SCAI: variants seen among roughly 807,000 people sequenced by gnomAD.
The protein encoded by SCAI is protein SCAI.
In SCAI, 24 loss-of-function variants were observed where a neutral mutation model predicts 92.2. The ratio of observed to expected loss-of-function variants is 0.26; its 90% confidence interval spans 0.19 to 0.37. SCAI has a LOEUF of 0.37. Among genes scored for constraint, SCAI ranks in the 10% least tolerant of loss-of-function variants. SCAI has a pLI of 1.00. For synonymous variants in SCAI, 261 were observed against 258.6 expected, an observed-to-expected ratio of 1.01 and a Z score of -0.09; for missense variants, 450 against 736.2, an observed-to-expected ratio of 0.61 and a Z score of 4.50.
chr9:125,140,690 C>CAAAAAA (rs35807255), intron 2 of SCAI, among the ~76,000 whole-genome samples: 11 of 76,430 alleles, frequency 1.4e-4, no homozygotes, highest in Non-Finnish European at 2.5e-4. Context: ...CTTGTCTCTA[C>CAAAAAA]AAAAAAAAAA....
chr9:125,075,621 C>G (rs1834073112), intron 2 of SCAI, among the ~76,000 whole-genome samples: 1 of 146,770 alleles, frequency 6.8e-6, no homozygotes, highest in Non-Finnish European at 1.5e-5. Context: ...GGCTGGAGTA[C>G]AGTGGCACGA....
chr9:124,967,353 C>G (rs1222316380), intron 17 of SCAI, among the ~76,000 whole-genome samples: 3 of 152,176 alleles, frequency 2.0e-5, no homozygotes, highest in Non-Finnish European at 2.9e-5. Flanking sequence ...TATTCTATCC[C>G]CTCATTTAAC....
At chr9:125,109,850 CTAATTTTTGTATTTTTTA>C (rs1834897154) in intron 2 of SCAI, among the ~76,000 whole-genome samples, 1 of 152,134 alleles carries the variant, frequency 6.6e-6, no homozygotes, top group Non-Finnish European at 1.5e-5. Flanking sequence ...CCACGCCCAG[CTAATTTTTGTATTTTTTA>C]GTAGAGATGG....
intron 2 of SCAI, among the ~76,000 whole-genome samples, chr9:125,104,000 GC>G (rs1205176632): frequency 6.6e-6 from 1 of 152,160 alleles, no homozygotes; most frequent in Non-Finnish European, 1.5e-5. Context: ...TAGACTGTGA[GC>G]CAAAGGAAAG....
intron 17 of SCAI, among the ~76,000 whole-genome samples, chr9:124,955,660 G>GA (rs1391298681): frequency 3.5e-5 from 5 of 144,754 alleles, no homozygotes; most frequent in East Asian, 4.0e-4. Context: ...ATACATAAGT[G>GA]AAAAAAAAAG....
chr9:125,142,544 C>T, intron 2 of SCAI, 89 bp downstream of exon 2: 1 of 933,226 alleles, frequency 1.1e-6, no homozygotes, highest in South Asian at 1.4e-5. Flanking sequence ...GAAACTTCAT[C>T]TACTGACAGT....
chr9:124,974,654 C>T (rs7045489), intron 15 of SCAI, among the ~76,000 whole-genome samples: 67,221 of 151,808 alleles, frequency 0.44, 15,697 homozygotes, highest in African/African-American at 0.56. Flanking sequence ...GCTTTTGTAA[C>T]TGAACAATTA....
At chr9:124,953,974 A>G (rs962833254) in intron 17 of SCAI, among the ~76,000 whole-genome samples, 1 of 152,284 alleles carries the variant, frequency 6.6e-6, no homozygotes, top group Admixed American at 6.5e-5. Context: ...TCAGTCTCCC[A>G]AGAAGCTGGC....
At chr9:125,064,777 C>T (rs1489126313) in intron 2 of SCAI, among the ~76,000 whole-genome samples, 1 of 152,042 alleles carries the variant, frequency 6.6e-6, no homozygotes, top group Admixed American at 6.6e-5. Context: ...ACCCAGGAGG[C>T]GGAGGTTGCA....
intron 3 of SCAI, among the ~76,000 whole-genome samples, chr9:125,048,937 G>A: frequency 6.6e-6 from 1 of 151,808 alleles, no homozygotes; most frequent in East Asian, 1.9e-4. Flanking sequence ...TAGAGATGGG[G>A]TTTCTCCATG....
chr9:125,021,936 G>A (rs1048449952), intron 6 of SCAI, among the ~76,000 whole-genome samples: 11 of 151,852 alleles, frequency 7.2e-5, no homozygotes, highest in African/African-American at 1.5e-4. Context: ...TAATGAAATC[G>A]TACCATGGTT....
At chr9:125,090,473 T>C (rs1249512247) in intron 2 of SCAI, among the ~76,000 whole-genome samples, 1 of 149,990 alleles carries the variant, frequency 6.7e-6, no homozygotes, top group Non-Finnish European at 1.5e-5. Flanking sequence ...AGGAGGATGA[T>C]GAAGAAGGAG....
chr9:125,004,265 T>G (rs1832426060), intron 9 of SCAI, among the ~76,000 whole-genome samples: 1 of 151,678 alleles, frequency 6.6e-6, no homozygotes, highest in Non-Finnish European at 1.5e-5. Flanking sequence ...TTCACACGTG[T>G]AGGTAGTGTG....
At chr9:125,042,858 CTTTTTTTTTTTTTT>C (rs770118712) in intron 3 of SCAI, among the ~76,000 whole-genome samples, 8 of 51,000 alleles carry the variant, frequency 1.6e-4, no homozygotes, top group Non-Finnish European at 2.2e-4. Flanking sequence ...TGCTCCCTGG[CTTTTTTTTTTTTTT>C]TTTTTTTTTT....
Position 125,055,982 on chromosome 9 carries a change from TG to T in SCAI, c.123del (p.Met42CysfsTer35). On this transcript the variant is annotated frameshift_variant, in exon 3 of 18. Coordinates refer to ENST00000336505, the MANE Select transcript of SCAI (RefSeq NM_001144877.3). LOFTEE classifies it high-confidence loss of function. ...TCATCTTCAGCACCTCCAGAGGACATGATTTCTTTAAGAGCAAATTCAGTCC... is the reference window on the plus strand; with the variant it reads ...TCATCTTCAGCACCTCCAGAGGACATATTTCTTTAAGAGCAAATTCAGTCC... ...RSRTEFALKE[I>X]MSSGGAEDDI... 1 of 1,609,448 alleles carries T rather than the reference TG, an allele frequency of 6.2e-7. No homozygotes were observed.
chr9:125,048,149 T>C (rs1051993707), intron 3 of SCAI, among the ~76,000 whole-genome samples: 2 of 152,134 alleles, frequency 1.3e-5, no homozygotes, highest in Non-Finnish European at 2.9e-5. Context: ...CAGCTAATTT[T>C]GTATTTTTAG....
At chr9:125,022,210 C>T (rs527734768) in intron 6 of SCAI, among the ~76,000 whole-genome samples, 29 of 152,060 alleles carry the variant, frequency 1.9e-4, no homozygotes, top group Non-Finnish European at 3.4e-4. Flanking sequence ...TATCATAATG[C>T]TACGTTATTA....
At chr9:124,955,125 G>A (rs1230596941) in intron 17 of SCAI, among the ~76,000 whole-genome samples, 4 of 147,598 alleles carry the variant, frequency 2.7e-5, no homozygotes, top group South Asian at 2.1e-4. Context: ...CCAAGATCGC[G>A]CCACTGCACT....
chr9:125,045,962 G>A (rs1024410453), intron 3 of SCAI, among the ~76,000 whole-genome samples: 1 of 151,764 alleles, frequency 6.6e-6, no homozygotes, highest in Non-Finnish European at 1.5e-5. Context: ...TGGTGGGAAT[G>A]TAAACTAGTA....
Sources: allele counts gnomAD v4.1 joint callset (sites outside exome capture counted in the v4.1 genomes callset), GRCh38; gene constraint gnomAD v4.1.1; transcripts MANE v1.5; gene names NCBI Gene and HGNC (gene_info 2026-07-23, HGNC 2026-07-21).